Variants in CTNNA2 observed in about 807,000 individuals in gnomAD.
CTNNA2 encodes the protein catenin alpha-2.
In CTNNA2, 42 loss-of-function variants were observed where a neutral mutation model predicts 101.0. The observed-to-expected ratio is 0.42, with a 90% CI of 0.32 to 0.54. The LOEUF is 0.54. Ranked by LOEUF, CTNNA2 falls within the 20% of genes least tolerant of loss-of-function variation. The pLI, the probability that CTNNA2 is intolerant of heterozygous loss-of-function variation, is 0.14. For missense variants in CTNNA2, 871 were observed against 1,223.1 expected, an observed-to-expected ratio of 0.71 and a Z score of 4.29; for synonymous variants, 450 against 456.4, an observed-to-expected ratio of 0.99 and a Z score of 0.18.
intron 3 of CTNNA2, among the ~76,000 whole-genome samples, chr2:79,806,105 A>G (rs1462538429): frequency 6.6e-6 from 1 of 152,122 alleles, no homozygotes; most frequent in Admixed American, 6.5e-5. Context: ...AGTTAGTTAT[A>G]CATTCCTCAC....
chr2:79,294,350 C>T (rs1675919176), intron 2 of CTNNA2, among the ~76,000 whole-genome samples: 1 of 151,978 alleles, frequency 6.6e-6, no homozygotes, highest in Non-Finnish European at 1.5e-5. Flanking sequence ...GATATTAATC[C>T]TATCATATCA....
intron 7 of CTNNA2, among the ~76,000 whole-genome samples, chr2:80,066,774 A>T (rs1233214669): frequency 6.6e-6 from 1 of 152,228 alleles, no homozygotes; most frequent in Admixed American, 6.5e-5. Flanking sequence ...TGTTGAAAAG[A>T]TATATGCACT....
intron 1 of CTNNA2, among the ~76,000 whole-genome samples, chr2:79,621,578 T>C (rs1249863303): frequency 6.6e-6 from 1 of 152,178 alleles, no homozygotes. Context: ...AAGTCCATAC[T>C]AATAAAAATA....
chr2:80,390,739 AC>A (rs1465269529), intron 7 of CTNNA2, among the ~76,000 whole-genome samples: 1 of 152,114 alleles, frequency 6.6e-6, no homozygotes, highest in Non-Finnish European at 1.5e-5. Context: ...CACCTCATTC[AC>A]CCTACCCTAA....
At chr2:79,394,648 C>G (rs80352080) in intron 4 of CTNNA2, among the ~76,000 whole-genome samples, 2,586 of 152,230 alleles carry the variant, frequency 0.017, 75 homozygotes, top group African/African-American at 0.058. Flanking sequence ...TCAGGAGTAC[C>G]CTTCTGACCC....
Position 80,303,126 on chromosome 2 carries a change from G to A in CTNNA2, c.1057-90085G>A. 1 of 1,614,144 alleles carries A rather than the reference G, an allele frequency of 6.2e-7. No homozygotes were observed. Among genetic ancestry groups the A allele is most frequent in the African/African-American group, 1.3e-5 (1 of 75,026 alleles). ...AGGCAGAGCGAGTGCAGGGAGATGAGGCGCGGGAAGTGGGCGAAGTTCACC... is the reference window on the plus strand; with the variant it reads ...AGGCAGAGCGAGTGCAGGGAGATGAAGCGCGGGAAGTGGGCGAAGTTCACC... On this transcript the variant is annotated intron_variant, in intron 7 of 18. Transcript: ENST00000402739. The surrounding 1 kb of genome is among the most constrained non-coding windows in gnomAD (Gnocchi z 7.7).
chr2:79,824,118 C>T (rs1226316719), intron 3 of CTNNA2, among the ~76,000 whole-genome samples: 9 of 152,118 alleles, frequency 5.9e-5, no homozygotes, highest in Non-Finnish European at 1.0e-4. Flanking sequence ...AGCAGTCTAC[C>T]GTGCTTCAAC....
intron 2 of CTNNA2, among the ~76,000 whole-genome samples, chr2:79,235,270 T>C (rs1433688053): frequency 6.6e-6 from 1 of 152,184 alleles, no homozygotes; most frequent in African/African-American, 2.4e-5. Context: ...TTTGCCTTAG[T>C]TTTCCCAGGC....
At chr2:79,506,723 A>G (rs543061444) in intron 5 of CTNNA2, among the ~76,000 whole-genome samples, 1 of 152,310 alleles carries the variant, frequency 6.6e-6, no homozygotes, top group East Asian at 1.9e-4. Flanking sequence ...TGGTAATTCA[A>G]AGTGGTAGAG....
At chr2:79,430,697 G>A (rs1020404789) in intron 4 of CTNNA2, among the ~76,000 whole-genome samples, 2 of 152,102 alleles carry the variant, frequency 1.3e-5, no homozygotes, top group Admixed American at 1.3e-4. Flanking sequence ...AAGGCATGGA[G>A]AGTTTATTTG....
chr2:79,498,959 A>G (rs942132754), intron 4 of CTNNA2: 2 of 152,198 alleles, frequency 1.3e-5, no homozygotes, highest in Non-Finnish European at 2.9e-5. Context: ...ATTTAAGCCA[A>G]TCCAGTATCT....
At chr2:79,306,540 T>G (rs1243062449) in intron 2 of CTNNA2, among the ~76,000 whole-genome samples, 1 of 152,230 alleles carries the variant, frequency 6.6e-6, no homozygotes. Flanking sequence ...TAACACTCCA[T>G]CCTTCTAATA....
At position 79,853,315 on chromosome 2, in the gene CTNNA2, AT is replaced by A. The variant is rs555921756; in HGVS notation, c.299-4690del. ...ACTACCCTGGCAATTTGATTTTTAA[AT>A]TTTTTTTGTAGAGATAGGGTCTCAC... On this transcript the variant is annotated intron_variant, in intron 3 of 18. Coordinates refer to ENST00000402739, the MANE Select transcript of CTNNA2 (RefSeq NM_001282597.3). Among the ~76,000 whole-genome samples the A allele has an allele frequency of 3.6e-3, 547 of 151,904 alleles. 4 individuals are homozygous for A. Among genetic ancestry groups the A allele is most frequent in the African/African-American group, 0.013 (527 of 41,434 alleles).
intron 3 of CTNNA2, among the ~76,000 whole-genome samples, chr2:79,354,988 G>T (rs957857996): frequency 7.2e-5 from 11 of 152,082 alleles, no homozygotes; most frequent in African/African-American, 2.4e-4. Context: ...ATCTTGTCCT[G>T]CTATCTGTCT....
chr2:79,373,392 G>A (rs1199940181), intron 3 of CTNNA2, among the ~76,000 whole-genome samples: 3 of 152,126 alleles, frequency 2.0e-5, no homozygotes, highest in Non-Finnish European at 4.4e-5. Flanking sequence ...TATTCTTACT[G>A]AAACATACAG....
At chr2:79,369,752 C>T (rs1203421902) in intron 3 of CTNNA2, among the ~76,000 whole-genome samples, 1 of 152,184 alleles carries the variant, frequency 6.6e-6, no homozygotes, top group Non-Finnish European at 1.5e-5. Flanking sequence ...CTCCCATTTA[C>T]CTCCACTGGG....
chr2:80,175,216 A>G (rs1705316971), intron 7 of CTNNA2, among the ~76,000 whole-genome samples: 1 of 151,978 alleles, frequency 6.6e-6, no homozygotes, highest in Admixed American at 6.6e-5. Context: ...CACCTCAACC[A>G]TTCCCTGATC....
intron 7 of CTNNA2, among the ~76,000 whole-genome samples, chr2:80,173,540 G>A (rs1257276347): frequency 6.6e-6 from 1 of 152,144 alleles, no homozygotes; most frequent in Non-Finnish European, 1.5e-5. Context: ...TTAAGGAAGG[G>A]ACAAATTTTA....
intron 7 of CTNNA2, among the ~76,000 whole-genome samples, chr2:80,229,994 A>G (rs1237312831): frequency 6.6e-6 from 1 of 151,984 alleles, no homozygotes; most frequent in Non-Finnish European, 1.5e-5. Context: ...TTATTTTTAG[A>G]TATAAAAGTA....
Sources: allele counts gnomAD v4.1 joint callset (sites outside exome capture counted in the v4.1 genomes callset), GRCh38; gene constraint gnomAD v4.1.1; non-coding constraint Gnocchi (gnomAD v3.1); transcripts MANE v1.5; gene names NCBI Gene and HGNC (gene_info 2026-07-23, HGNC 2026-07-21).